ARHGAP6: variants seen among roughly 807,000 people sequenced by gnomAD.
ARHGAP6 encodes the protein rho GTPase-activating protein 6.
ARHGAP6 carries 16 observed loss-of-function variants against 55.7 expected under a neutral mutation model. The ratio of observed to expected loss-of-function variants is 0.29; its 90% CI spans 0.19 to 0.44. The LOEUF (loss-of-function observed/expected upper bound fraction) is 0.44. Ranked by LOEUF, ARHGAP6 falls within the 20% of genes least tolerant of loss-of-function variation. The pLI is 1.00. For synonymous variants in ARHGAP6, 382 were observed against 360.9 expected, an observed-to-expected ratio of 1.06 and a Z score of -0.66; for missense variants, 698 against 808.9, an observed-to-expected ratio of 0.86 and a Z score of 1.66.
intron 1 of ARHGAP6, among the ~76,000 whole-genome samples, chrX:11,545,858 C>T (rs766507131): frequency 1.8e-5 from 2 of 111,468 alleles, no homozygotes; most frequent in Admixed American, 1.9e-4. Context: ...AAGTGAACTG[C>T]AACAAAATAA....
intron 2 of ARHGAP6, among the ~76,000 whole-genome samples, chrX:11,205,366 A>G (rs1384929323): frequency 9.0e-6 from 1 of 111,550 alleles, no homozygotes; most frequent in East Asian, 2.8e-4. Context: ...CCCCTTCTCC[A>G]GTTGTAACAG....
intron 1 of ARHGAP6, among the ~76,000 whole-genome samples, chrX:11,299,637 A>C (rs1375408201): frequency 8.9e-6 from 1 of 112,498 alleles, no homozygotes; most frequent in Non-Finnish European, 1.9e-5. Context: ...AATAGTCAAC[A>C]AAACAAACTT....
chrX:11,237,765 A>G (rs1044738328), intron 2 of ARHGAP6, among the ~76,000 whole-genome samples: 2 of 112,456 alleles, frequency 1.8e-5, no homozygotes, highest in Non-Finnish European at 3.8e-5. Context: ...GGAGAGCTCA[A>G]TGAAAAAGTG....
At chrX:11,194,096 C>T (rs2046499351) in intron 3 of ARHGAP6, among the ~76,000 whole-genome samples, 1 of 112,416 alleles carries the variant, frequency 8.9e-6, no homozygotes, top group Non-Finnish European at 1.9e-5. Flanking sequence ...ATGCTCTATA[C>T]ATATGGAAAA....
At chrX:11,307,313 T>C (rs1279595257) in intron 1 of ARHGAP6, among the ~76,000 whole-genome samples, 1 of 110,187 alleles carries the variant, frequency 9.1e-6, no homozygotes, top group African/African-American at 3.3e-5. Context: ...TACCATGACA[T>C]TGAAGCAGAA....
intron 1 of ARHGAP6, among the ~76,000 whole-genome samples, chrX:11,346,719 A>AAAAGAAAG (rs74803792): frequency 0.15 from 13,706 of 92,288 alleles, 1,061 homozygotes; most frequent in Admixed American, 0.26. Context: ...AAGAAGAAAG[A>AAAAGAAAG]AAAGAAAGAA....
intron 1 of ARHGAP6, among the ~76,000 whole-genome samples, chrX:11,640,745 T>C (rs898021085): frequency 2.7e-5 from 3 of 111,420 alleles, no homozygotes; most frequent in Non-Finnish European, 5.7e-5. Flanking sequence ...CCAATTCATA[T>C]ATTGACATTC....
At chrX:11,310,591 A>T (rs1443715549) in intron 1 of ARHGAP6, among the ~76,000 whole-genome samples, 1 of 111,932 alleles carries the variant, frequency 8.9e-6, no homozygotes, top group Non-Finnish European at 1.9e-5. Flanking sequence ...CAGACACAAA[A>T]GACCAAATGA....
intron 1 of ARHGAP6, among the ~76,000 whole-genome samples, chrX:11,353,549 AGTGTGTGTGTGTGTGTGTGT>A (rs200177159): frequency 8.5e-5 from 7 of 82,470 alleles, no homozygotes; most frequent in South Asian, 6.7e-4. Context: ...TATTGCTTAT[AGTGTGTGTGTGTGTGTGTGT>A]GTGTGTGTGT....
intron 1 of ARHGAP6, among the ~76,000 whole-genome samples, chrX:11,582,952 T>A (rs1302002013): frequency 8.9e-6 from 1 of 111,735 alleles, no homozygotes; most frequent in Non-Finnish European, 1.9e-5. Context: ...AAAATTACAT[T>A]GAAACAAAAA....
intron 1 of ARHGAP6, among the ~76,000 whole-genome samples, chrX:11,263,455 A>G (rs1378405594): frequency 8.9e-6 from 1 of 111,999 alleles, no homozygotes; most frequent in African/African-American, 3.2e-5. Flanking sequence ...GACCTAACAC[A>G]GCATCTTAAC....
intron 1 of ARHGAP6, among the ~76,000 whole-genome samples, chrX:11,646,125 A>G (rs2052524038): frequency 9.0e-6 from 1 of 111,490 alleles, no homozygotes; most frequent in African/African-American, 3.3e-5. Flanking sequence ...AGAAAAGCGA[A>G]GGAGGAACTT....
chrX:11,598,966 G>C (rs1417591366), intron 1 of ARHGAP6, among the ~76,000 whole-genome samples: 1 of 111,297 alleles, frequency 9.0e-6, no homozygotes. Flanking sequence ...GCTTAGATGG[G>C]AGAATTGCTT....
intron 5 of ARHGAP6, among the ~76,000 whole-genome samples, 162 bp from the exon 6 acceptor site, chrX:11,182,280 A>T (rs187282769): frequency 4.9e-4 from 55 of 112,128 alleles, no homozygotes; most frequent in African/African-American, 1.7e-3. Context: ...TATTTCTATT[A>T]TCCAGATACT....
At chrX:11,302,943 C>T (rs1300055315) in intron 1 of ARHGAP6, among the ~76,000 whole-genome samples, 4 of 112,193 alleles carry the variant, frequency 3.6e-5, no homozygotes, top group Non-Finnish European at 7.5e-5. Context: ...GAAGTTTTTC[C>T]TTTGGTAGTA....
At chrX:11,216,532 A>C (rs925715273) in intron 2 of ARHGAP6, among the ~76,000 whole-genome samples, 8 of 111,553 alleles carry the variant, frequency 7.2e-5, no homozygotes, top group African/African-American at 2.6e-4. Context: ...ATGTGCCTGT[A>C]ATCCCAACTA....
intron 1 of ARHGAP6, among the ~76,000 whole-genome samples, chrX:11,301,217 G>A (rs969750438): frequency 8.9e-6 from 1 of 111,777 alleles, no homozygotes; most frequent in Non-Finnish European, 1.9e-5. Context: ...TATGTGATAT[G>A]CATAATAATG....
In ARHGAP6 at chrX:11,144,753, T is replaced by C. The variant is rs765692134; in HGVS notation, c.1908-505A>G. Among the ~76,000 whole-genome samples, 14 of 112,662 alleles carry C rather than the reference T, an allele frequency of 1.2e-4. No homozygotes were observed. The South Asian group carries it at 5.2e-3, about 42-fold the overall frequency. ...TTTTCCATCCCACCAAAATACTTAC[T>C]GTACTTAGTGTAAATAAATCCATCC... On this transcript the variant is annotated intron_variant, in intron 10 of 12. Coordinates refer to ENST00000337414, the MANE Select transcript of ARHGAP6 (RefSeq NM_013427.3).
At chrX:11,198,847 C>T (rs182251035) in intron 2 of ARHGAP6, among the ~76,000 whole-genome samples, 6 of 112,379 alleles carry the variant, frequency 5.3e-5, no homozygotes, top group Non-Finnish European at 9.4e-5. Flanking sequence ...CAAGTTAAGA[C>T]GTAGACTATT....
Sources: gnomAD v4.1 joint callset for allele counts (sites outside exome capture counted in the v4.1 genomes callset) on GRCh38, gnomAD v4.1.1 for gene constraint, MANE v1.5 for transcripts, NCBI Gene and HGNC (gene_info 2026-07-23, HGNC 2026-07-21) for gene names.